ANKRD30B: variants seen among roughly 807,000 people sequenced by gnomAD.
ANKRD30B encodes ankyrin repeat domain-containing protein 30B.
Under a neutral mutation model 202.2 loss-of-function variants are expected in ANKRD30B, and 144 were observed. That is an observed-to-expected ratio of 0.71 (90% confidence interval 0.62 to 0.82). The LOEUF is 0.82. Ranked by LOEUF, ANKRD30B falls within the 40% of genes least tolerant of loss-of-function variation. The probability of loss-of-function intolerance (pLI) is 0.00; values close to 1 mark genes in which losing one functional copy is unlikely to be tolerated. For missense variants in ANKRD30B, 1,487 were observed against 1,669.1 expected (o/e 0.89, Z 1.90); for synonymous variants, 508 against 561.3 (o/e 0.91, Z 1.34).
intron 32 of ANKRD30B, among the ~76,000 whole-genome samples, chr18:14,825,644 T>C (rs1970627556): frequency 6.6e-6 from 1 of 151,988 alleles, no homozygotes. Flanking sequence ...CAAGAAGGTT[T>C]GTGTCTATTT....
chr18:14,878,456 C>G, the ANKRD30B span, among the ~76,000 whole-genome samples: 1 of 151,776 alleles, frequency 6.6e-6, no homozygotes, highest in Non-Finnish European at 1.5e-5. Context: ...CCTTCTTTCT[C>G]GATTCTAAGG....
chr18:14,785,033 C>T (rs1967996843), intron 14 of ANKRD30B, among the ~76,000 whole-genome samples: 1 of 151,762 alleles, frequency 6.6e-6, no homozygotes, highest in Non-Finnish European at 1.5e-5. Flanking sequence ...TGTGTGTCTG[C>T]GTGTGTTCCT....
chr18:14,935,567 T>C, the ANKRD30B span, among the ~76,000 whole-genome samples: 1 of 152,212 alleles, frequency 6.6e-6, no homozygotes, highest in African/African-American at 2.4e-5. Context: ...TTATGTGCAA[T>C]TACTAGTTCT....
chr18:14,783,656 G>C (rs1967895209), intron 12 of ANKRD30B, among the ~76,000 whole-genome samples: 1 of 151,952 alleles, frequency 6.6e-6, no homozygotes, highest in Non-Finnish European at 1.5e-5. Flanking sequence ...AGTTATTTAT[G>C]TTTAATACAT....
the ANKRD30B span, among the ~76,000 whole-genome samples, chr18:14,897,347 A>G: frequency 3.3e-5 from 5 of 152,042 alleles, no homozygotes; most frequent in Non-Finnish European, 7.4e-5. Flanking sequence ...CGCGCGCCTA[A>G]TTTTTGTAAT....
chr18:14,891,860 G>A, the ANKRD30B span, among the ~76,000 whole-genome samples: 71 of 152,262 alleles, frequency 4.7e-4, no homozygotes, highest in Non-Finnish European at 3.5e-4. Context: ...ACATGCAGAA[G>A]AATACTATTA....
At chr18:14,935,756 T>G in the ANKRD30B span, among the ~76,000 whole-genome samples, 707 of 152,370 alleles carry the variant, frequency 4.6e-3, 8 homozygotes, top group Middle Eastern at 0.02. Flanking sequence ...TGTATGCCTA[T>G]GTATGTGTGC....
the ANKRD30B span, among the ~76,000 whole-genome samples, chr18:14,892,671 T>A: frequency 7.8e-6 from 1 of 128,970 alleles, no homozygotes; most frequent in Admixed American, 7.7e-5. Context: ...ACCCAGAAGG[T>A]GGAGGCTGCA....
At chr18:14,921,406 C>T in the ANKRD30B span, among the ~76,000 whole-genome samples, 4 of 150,928 alleles carry the variant, frequency 2.7e-5, no homozygotes, top group Admixed American at 6.6e-5. Context: ...AAATGAGGCG[C>T]GTGTTTAGAT....
chr18:14,875,670 C>T, the ANKRD30B span, among the ~76,000 whole-genome samples: 1 of 152,142 alleles, frequency 6.6e-6, no homozygotes, highest in Non-Finnish European at 1.5e-5. Context: ...TTCTCTTGGT[C>T]ATTAGGGCAC....
intron 9 of ANKRD30B, among the ~76,000 whole-genome samples, chr18:14,776,395 C>T (rs577798989): frequency 1.3e-5 from 2 of 152,302 alleles, no homozygotes; most frequent in East Asian, 1.9e-4. Flanking sequence ...AATTAGCATG[C>T]GTATGGGAGT....
At chr18:14,894,562 G>T in the ANKRD30B span, among the ~76,000 whole-genome samples, 2 of 152,074 alleles carry the variant, frequency 1.3e-5, no homozygotes, top group Non-Finnish European at 2.9e-5. Flanking sequence ...GCAAAAAAAA[G>T]TGGAGGCAGT....
the ANKRD30B span, among the ~76,000 whole-genome samples, chr18:14,873,763 C>T: frequency 6.6e-6 from 1 of 151,900 alleles, no homozygotes; most frequent in African/African-American, 2.4e-5. Flanking sequence ...TAGCATTAGG[C>T]GAGGCTGAGA....
the ANKRD30B span, among the ~76,000 whole-genome samples, chr18:14,896,095 G>A: frequency 6.6e-6 from 1 of 151,982 alleles, no homozygotes; most frequent in Non-Finnish European, 1.5e-5. Flanking sequence ...AGGAACTGTG[G>A]GGGGAAATGG....
the ANKRD30B span, among the ~76,000 whole-genome samples, chr18:14,906,250 C>T: frequency 6.6e-6 from 1 of 152,138 alleles, no homozygotes; most frequent in Admixed American, 6.5e-5. Context: ...CTCTCCCTTC[C>T]ACTCTATGTC....
Position 14,826,544 on chromosome 18 carries a change from G to A in ANKRD30B, c.2744-1734G>A, listed in dbSNP as rs565961945. On this transcript the variant is annotated intron_variant, in intron 32 of 43. Transcript: ENST00000690538. ...AGGGTCTAGGAAATTGTCTAGACTGGGGAGTACACATGCCAGCATTTTTCC... is the reference window on the plus strand; with the variant it reads ...AGGGTCTAGGAAATTGTCTAGACTGAGGAGTACACATGCCAGCATTTTTCC... Among the ~76,000 whole-genome samples, 15 of 152,070 alleles carry A rather than the reference G, an allele frequency of 9.9e-5. No individual in the cohort carries two copies. In the South Asian group the frequency reaches 2.3e-3, roughly 23 times the overall value.
chr18:14,781,275 T>C (rs1424612146), intron 11 of ANKRD30B, among the ~76,000 whole-genome samples: 1 of 151,760 alleles, frequency 6.6e-6, no homozygotes, highest in Non-Finnish European at 1.5e-5. Flanking sequence ...GCTTCTACAA[T>C]GTTCTGAGTA....
At chr18:14,897,455 A>G in the ANKRD30B span, among the ~76,000 whole-genome samples, 1 of 152,186 alleles carries the variant, frequency 6.6e-6, no homozygotes, top group African/African-American at 2.4e-5. Context: ...TGTTGGGATT[A>G]CAGGTATGAG....
chr18:14,861,600 C>A, the ANKRD30B span, among the ~76,000 whole-genome samples: 1,136 of 150,220 alleles, frequency 7.6e-3, 20 homozygotes, highest in Non-Finnish European at 7.4e-3. Context: ...ATGCAGCCAA[C>A]ATTAGAGCAC....
Sources: allele counts gnomAD v4.1 joint callset (sites outside exome capture counted in the v4.1 genomes callset), GRCh38; gene constraint gnomAD v4.1.1; transcripts MANE v1.5; gene names NCBI Gene and HGNC (gene_info 2026-07-23, HGNC 2026-07-21).